The following MPP2 variants were observed in gnomAD, a reference collection of about 807,000 sequenced individuals.
MPP2 encodes MAGUK p55 subfamily member 2.
MPP2 carries 42 observed loss-of-function variants against 58.5 expected under a neutral mutation model. That is an observed-to-expected ratio of 0.72 (90% confidence interval 0.56 to 0.93). MPP2 has a LOEUF of 0.93. Among genes scored for constraint, MPP2 ranks in the 40% least tolerant of loss-of-function variants. The pLI, the probability that MPP2 is intolerant of heterozygous loss-of-function variation, is 0.00. For missense variants in MPP2, 632 were observed against 760.4 expected, an observed-to-expected ratio of 0.83 and a Z score of 1.99; for synonymous variants, 300 against 307.8, an observed-to-expected ratio of 0.97 and a Z score of 0.26.
At chr17:43,908,257 C>T (rs1281675623), upstream of MPP2, among the ~76,000 whole-genome samples, 4 of 152,218 alleles carry the variant, frequency 2.6e-5, no homozygotes, top group Non-Finnish European at 5.9e-5. Context: ...GGCTCCACCC[C>T]ACATCTGCTA....
chr17:43,879,231 C>T lies in MPP2; in HGVS notation c.1482+44G>A, dbSNP rs750957630. On this transcript the variant is annotated intron_variant, in intron 12 of 12. Transcript: ENST00000269095. This position sits in a 1 kb window ranked among gnomAD's most constrained non-coding sequence, Gnocchi z 4.1. Reference sequence around the variant, plus strand: ...CAGCTCAGGCCTGTCCCCCACCACCCTAGGCAGCTATCAGACCCCTCCCCC... The same window carrying T: ...CAGCTCAGGCCTGTCCCCCACCACCTTAGGCAGCTATCAGACCCCTCCCCC... 2 of 1,585,330 alleles carry T rather than the reference C, an allele frequency of 1.3e-6. No homozygotes were observed. Among genetic ancestry groups the T allele is most frequent in the East Asian group, 4.5e-5 (2 of 44,340 alleles).
intron 3 of MPP2, among the ~76,000 whole-genome samples, chr17:43,886,120 TTAAA>T (rs1306586729): frequency 6.6e-6 from 1 of 151,266 alleles, no homozygotes; most frequent in Non-Finnish European, 1.5e-5. Context: ...AAAAAAAAAA[TTAAA>T]TAAATATATT....
At chr17:43,907,166 C>A in intron 1 of MPP2, 1 of 984,932 alleles carries the variant, frequency 1.0e-6, no homozygotes, top group Non-Finnish European at 1.2e-6. Context: ...ACCCGCACAG[C>A]CCCCGGGGAG....
chr17:43,892,977 G>T (rs62080276), intron 3 of MPP2, among the ~76,000 whole-genome samples: 12,901 of 149,878 alleles, frequency 0.086, 709 homozygotes, highest in Non-Finnish European at 0.11. Flanking sequence ...TGCAAAATAG[G>T]TATTTGATGG....
chr17:43,879,400 C>T lies in MPP2; in HGVS notation c.1357G>A (p.Val453Met). ...VCVLDVNPQA[V>M]KVLRTAEFVP... ...AACTCGGCCGTTCGTAGCACCTTCA[C>T]CGCCTGCAGAAGGAGAAGGCAAGGT... The change falls in exon 12 of 13, where the codon GTG becomes ATG. Residue 453 changes from valine to methionine, a missense_variant. Physicochemically the swap from Val to Met is conservative, Grantham distance 21. Coordinates refer to ENST00000269095, the MANE Select transcript of MPP2 (RefSeq NM_005374.5). The surrounding 1 kb of genome is among the most constrained non-coding windows in gnomAD (Gnocchi z 4.1). The T allele has an allele frequency of 6.2e-7, 1 of 1,614,104 alleles. No homozygotes were observed. The highest frequency in any genetic ancestry group is 8.5e-7 in the Non-Finnish European group (1 of 1,179,978).
At chr17:43,906,118 G>A in intron 1 of MPP2, 1 of 985,074 alleles carries the variant, frequency 1.0e-6, no homozygotes. Flanking sequence ...CTCCCTCACA[G>A]GGTCAGAGAA....
Position 43,879,325 on chromosome 17 carries a change from C to T in MPP2, c.1432G>A (p.Ala478Thr). The change falls in exon 12 of 13, where the codon GCC (alanine) becomes ACC (threonine). Residue 478 changes from alanine to threonine, a missense_variant. By Grantham distance (58) the Ala-to-Thr change is moderately conservative. Coordinates refer to ENST00000269095, the MANE Select transcript of MPP2 (RefSeq NM_005374.5). The surrounding 1 kb of genome is among the most constrained non-coding windows in gnomAD (Gnocchi z 4.1). ...CTCTCCAGCGCAGCCCTGTTCATGG[C>T]CCGCAGGGTCTCGAAGTCTGGGGCC... ...IEAPDFETLR[A>T]MNRAALESGI... is the part of the protein sequence containing the mutation. 1 of 1,614,174 alleles carries T rather than the reference C, an allele frequency of 6.2e-7. No homozygotes were observed.
At chr17:43,889,819 T>G (rs1454182104) in intron 3 of MPP2, among the ~76,000 whole-genome samples, 4 of 147,626 alleles carry the variant, frequency 2.7e-5, no homozygotes, top group African/African-American at 1.0e-4. Context: ...TTTTTTTTGT[T>G]TTTTTTTTTT....
In MPP2 at chr17:43,877,490, TTTCTC is replaced by T. The variant is rs1460888447; in HGVS notation, c.*312_*316del. The T allele has an allele frequency of 2.5e-5, 6 of 244,876 alleles. No individual in the cohort carries two copies. The highest frequency in any genetic ancestry group is 1.3e-3 in the Middle Eastern group (1 of 752). 15.2% of individuals were successfully genotyped at this position (244,876 alleles called of 1,614,324 possible). On this transcript the variant is annotated 3_prime_UTR_variant, in exon 13 of 13. Coordinates refer to ENST00000269095, the MANE Select transcript of MPP2 (RefSeq NM_005374.5). ...CTGACCATGTGGTCCCAAAGCAGCT[TTTCTC>T]TTCTCTGTACTGACCATTATGGAGG...
intron 12 of MPP2, 131 bp from the exon 13 acceptor site, chr17:43,878,114 G>T: frequency 9.9e-7 from 1 of 1,014,700 alleles, no homozygotes; most frequent in Non-Finnish European, 1.4e-6. Context: ...GGCTAGGGAG[G>T]CAGGGGCCCC....
At chr17:43,907,708 C>T (rs2048348776), upstream of MPP2, 1 of 985,574 alleles carries the variant, frequency 1.0e-6, no homozygotes, top group Non-Finnish European at 1.2e-6. Flanking sequence ...GGAGACACCG[C>T]ACAGACCACG....
At chr17:43,881,989 C>T (rs887863085) in intron 6 of MPP2, among the ~76,000 whole-genome samples, 1 of 152,250 alleles carries the variant, frequency 6.6e-6, no homozygotes, top group Admixed American at 6.5e-5. Context: ...GACAACCCCA[C>T]CCTGCGCACG....
intron 2 of MPP2, among the ~76,000 whole-genome samples, chr17:43,898,599 C>T (rs2047954598): frequency 6.6e-6 from 1 of 152,044 alleles, no homozygotes; most frequent in Non-Finnish European, 1.5e-5. Flanking sequence ...CCTGTTCTCT[C>T]CACCCTAGGT....
chr17:43,889,776 TAA>T (rs1305544295), intron 3 of MPP2, among the ~76,000 whole-genome samples: 1 of 149,734 alleles, frequency 6.7e-6, no homozygotes, highest in Non-Finnish European at 1.5e-5. Context: ...ATATAGTTAA[TAA>T]AAAGGGAATT....
At chr17:43,900,629 G>A (rs1048342215) in intron 2 of MPP2, 100 of 1,455,436 alleles carry the variant, frequency 6.9e-5, no homozygotes, top group Non-Finnish European at 7.7e-5. Context: ...AAGCCTGGCC[G>A]GGCTGGGGAA....
chr17:43,882,159 GC>G, intron 6 of MPP2, 124 bp downstream of exon 6: 1 of 910,022 alleles, frequency 1.1e-6, no homozygotes, highest in South Asian at 1.6e-5. Flanking sequence ...CCCCTGGGCT[GC>G]AGGTCCCACC....
chr17:43,898,472 A>T, intron 2 of MPP2, 92 bp from the exon 3 acceptor site: 1 of 436,334 alleles, frequency 2.3e-6, no homozygotes, highest in Non-Finnish European at 3.7e-6. Flanking sequence ...CCCCACCCCC[A>T]TGTCCCACAG....
chr17:43,899,808 C>A (rs1420887954), intron 2 of MPP2, among the ~76,000 whole-genome samples: 1 of 151,784 alleles, frequency 6.6e-6, no homozygotes, highest in African/African-American at 2.4e-5. Context: ...TGAGGGCTGC[C>A]TTCACTCACT....
At chr17:43,892,686 A>G (rs2047656629) in intron 3 of MPP2, among the ~76,000 whole-genome samples, 1 of 152,162 alleles carries the variant, frequency 6.6e-6, no homozygotes, top group Non-Finnish European at 1.5e-5. Flanking sequence ...AGAAACGTCC[A>G]TACTCTCTTC....
Sources: gnomAD v4.1 joint callset for allele counts (sites outside exome capture counted in the v4.1 genomes callset) on GRCh38, gnomAD v4.1.1 for gene constraint, Gnocchi (gnomAD v3.1) non-coding constraint, MANE v1.5 for transcripts, NCBI Gene and HGNC (gene_info 2026-07-23, HGNC 2026-07-21) for gene names.